The following PITPNC1 variants were observed in gnomAD, a reference collection of about 807,000 sequenced individuals.
PITPNC1 encodes cytoplasmic phosphatidylinositol transfer protein 1.
PITPNC1 carries 18 observed loss-of-function variants against 44.7 expected under a neutral mutation model. The ratio of observed to expected loss-of-function variants is 0.40; its 90% CI spans 0.28 to 0.60. PITPNC1 has a LOEUF of 0.60. Among genes scored for constraint, PITPNC1 ranks in the 20% least tolerant of loss-of-function variants. The pLI, the probability that PITPNC1 is intolerant of heterozygous loss-of-function variation, is 0.39. For missense variants in PITPNC1, 290 were observed against 418.4 expected, an observed-to-expected ratio of 0.69 and a Z score of 2.68; for synonymous variants, 141 against 149.6, an observed-to-expected ratio of 0.94 and a Z score of 0.42.
At chr17:67,432,681 G>A (rs1333249443) in intron 1 of PITPNC1, among the ~76,000 whole-genome samples, 1 of 152,108 alleles carries the variant, frequency 6.6e-6, no homozygotes, top group African/African-American at 2.4e-5. Flanking sequence ...CTTCATTACA[G>A]GCTTTGTGAA....
chr17:67,601,708 T>C (rs762414466), intron 5 of PITPNC1, among the ~76,000 whole-genome samples: 14 of 152,048 alleles, frequency 9.2e-5, no homozygotes, highest in Admixed American at 5.9e-4. Context: ...TGAGCCATGA[T>C]TGCGCCACTG....
chr17:67,674,214 T>A (rs1013490973), intron 7 of PITPNC1, among the ~76,000 whole-genome samples: 12 of 151,620 alleles, frequency 7.9e-5, no homozygotes, highest in Non-Finnish European at 7.4e-5. Flanking sequence ...AATTAAAAAA[T>A]TGAATCAGGC....
chr17:67,427,958 C>T (rs1366149298), intron 1 of PITPNC1, among the ~76,000 whole-genome samples: 1 of 152,050 alleles, frequency 6.6e-6, no homozygotes, highest in African/African-American at 2.4e-5. Flanking sequence ...GCACATTGTC[C>T]TTGACGATCA....
At chr17:67,654,169 G>T (rs2042238660) in intron 6 of PITPNC1, among the ~76,000 whole-genome samples, 5 of 152,160 alleles carry the variant, frequency 3.3e-5, no homozygotes, top group Admixed American at 3.3e-4. Context: ...GAGCACTGAA[G>T]ACTGTCGGTT....
In PITPNC1 at chr17:67,664,240, C is replaced by T. The variant is rs367641309; in HGVS notation, c.463-5268C>T. 2.2e-3 allele frequency among the ~76,000 whole-genome samples: 342 copies of T among 152,306 alleles called. 3 individuals are homozygous for T. Among genetic ancestry groups the T allele is most frequent in the African/African-American group, 7.4e-3 (308 of 41,568 alleles). ...TCGGCTTCCCAAAGTGCTGGGATTA[C>T]AGGCGTGAGCCACTGCACCTGGCCT... On this transcript the variant is annotated intron_variant, in intron 6 of 8. Transcript: ENST00000581322.
rs192543320 is a variant in PITPNC1 at position 67,672,325 on chromosome 17, G to A, written c.618+2662G>A. On this transcript the variant is annotated intron_variant, in intron 7 of 8. Transcript: ENST00000581322. ...ATACAAAATAAAAATAAGGCTGGGC[G>A]TGGTTCACACCTGTAATCCCAGCAC... Among the ~76,000 whole-genome samples the A allele has an allele frequency of 1.2e-4, 18 of 152,150 alleles. No homozygotes were observed. In the East Asian group the frequency reaches 1.7e-3, roughly 15 times the overall value.
At chr17:67,423,007 CATG>C (rs937422088) in intron 1 of PITPNC1, among the ~76,000 whole-genome samples, 4 of 149,182 alleles carry the variant, frequency 2.7e-5, no homozygotes, top group Admixed American at 2.7e-4. Context: ...TTTTTTTTAA[CATG>C]AGGAAGAGTT....
intron 6 of PITPNC1, among the ~76,000 whole-genome samples, chr17:67,662,181 C>T (rs1051304501): frequency 1.3e-5 from 2 of 152,042 alleles, no homozygotes; most frequent in African/African-American, 2.4e-5. Context: ...TGGCCGGGTG[C>T]GGTAGCGTAT....
chr17:67,511,053 A>G (rs2040178372), intron 1 of PITPNC1, among the ~76,000 whole-genome samples: 1 of 152,098 alleles, frequency 6.6e-6, no homozygotes, highest in Admixed American at 6.5e-5. Flanking sequence ...TTTTCTATTC[A>G]TATATGAGTA....
At chr17:67,478,825 C>T (rs1302518567) in intron 1 of PITPNC1, among the ~76,000 whole-genome samples, 3 of 152,000 alleles carry the variant, frequency 2.0e-5, no homozygotes, top group Non-Finnish European at 4.4e-5. Flanking sequence ...GGCCAATGCT[C>T]ACTCCTCTGA....
At chr17:67,491,658 G>A (rs957032951) in intron 1 of PITPNC1, among the ~76,000 whole-genome samples, 2 of 152,150 alleles carry the variant, frequency 1.3e-5, no homozygotes, top group Non-Finnish European at 2.9e-5. Flanking sequence ...CAGCAACATA[G>A]TAAGACTCCG....
At chr17:67,474,843 G>C (rs1030699093) in intron 1 of PITPNC1, among the ~76,000 whole-genome samples, 3 of 151,682 alleles carry the variant, frequency 2.0e-5, no homozygotes, top group Non-Finnish European at 2.9e-5. Flanking sequence ...TCTTGAAGAG[G>C]GGGACTCACT....
intron 1 of PITPNC1, among the ~76,000 whole-genome samples, chr17:67,481,184 G>C (rs1343867070): frequency 6.6e-6 from 1 of 152,236 alleles, no homozygotes; most frequent in African/African-American, 2.4e-5. Context: ...CTCCAGCCTA[G>C]GCGACAGAGC....
rs879366971 is a variant in PITPNC1, at chr17:67,495,040, GT to G, written c.49-37751del. ...TTTGGCAATATTGAGCCATGGAGTT[GT>G]TTTTTTTTTTGTTTTTTTTTTTTTT... On this transcript the variant is annotated intron_variant, in intron 1 of 8. Transcript: ENST00000581322. Among the ~76,000 whole-genome samples the G allele has an allele frequency of 7.7e-3, 498 of 64,720 alleles. 16 individuals are homozygous for G. Among genetic ancestry groups the G allele is most frequent in the African/African-American group, 0.031 (467 of 14,954 alleles). The allele number at this position is 64,720 out of a possible 152,430, so 42.5% of individuals were successfully genotyped here. A position where few individuals can be genotyped will look rare whatever the true frequency, so the allele number is the denominator to read the frequency against.
intron 1 of PITPNC1, among the ~76,000 whole-genome samples, chr17:67,504,698 A>G (rs549111630): frequency 6.6e-6 from 1 of 152,264 alleles, no homozygotes; most frequent in East Asian, 1.9e-4. Flanking sequence ...CAAAGAGCCA[A>G]CTTTTGGTTT....
At chr17:67,410,628 C>T (rs2038481169) in intron 1 of PITPNC1, among the ~76,000 whole-genome samples, 1 of 151,916 alleles carries the variant, frequency 6.6e-6, no homozygotes, top group African/African-American at 2.4e-5. Flanking sequence ...TCAAGCGATC[C>T]TCCCACCTTG....
chr17:67,589,999 A>C (rs1435781966), intron 5 of PITPNC1, among the ~76,000 whole-genome samples: 1 of 151,976 alleles, frequency 6.6e-6, no homozygotes, highest in Non-Finnish European at 1.5e-5. Flanking sequence ...AAGAACAGGA[A>C]AAAAAAGACA....
At chr17:67,637,155 A>C (rs1349563274) in intron 6 of PITPNC1, among the ~76,000 whole-genome samples, 2 of 152,220 alleles carry the variant, frequency 1.3e-5, no homozygotes, top group Non-Finnish European at 2.9e-5. Context: ...GCGCTCACTC[A>C]ATGGTTGCTG....
intron 1 of PITPNC1, among the ~76,000 whole-genome samples, chr17:67,471,892 A>AATT (rs2039541605): frequency 6.6e-6 from 1 of 152,038 alleles, no homozygotes; most frequent in Non-Finnish European, 1.5e-5. Context: ...TGTTGCACTT[A>AATT]ATTATTATAT....
Sources: allele counts gnomAD v4.1 joint callset (sites outside exome capture counted in the v4.1 genomes callset), GRCh38; gene constraint gnomAD v4.1.1; transcripts MANE v1.5; gene names NCBI Gene and HGNC (gene_info 2026-07-23, HGNC 2026-07-21).